Variants in PCDHGB5 observed in about 807,000 individuals in gnomAD.
PCDHGB5 encodes protocadherin gamma-B5.
In PCDHGB5, 48 loss-of-function variants were observed where a neutral mutation model predicts 62.9. The ratio of observed to expected loss-of-function variants is 0.76; its 90% CI spans 0.61 to 0.97. The LOEUF (loss-of-function observed/expected upper bound fraction) is 0.97. PCDHGB5 is among the 50% of genes least tolerant of loss of function. PCDHGB5 has a pLI of 0.00. For missense variants in PCDHGB5, 1,118 were observed against 1,198.6 expected (o/e 0.93, Z 0.99); for synonymous variants, 474 against 511.2 (o/e 0.93, Z 0.98).
chr5:141,463,388 C>T (rs1470533734), intron 1 of PCDHGB5, among the ~76,000 whole-genome samples: 1 of 150,092 alleles, frequency 6.7e-6, no homozygotes, highest in Non-Finnish European at 1.5e-5. Flanking sequence ...AAAGTTGTCT[C>T]CAGGCAAAAA....
intron 1 of PCDHGB5, among the ~76,000 whole-genome samples, chr5:141,448,422 T>C (rs1561930551): frequency 3.9e-5 from 6 of 152,150 alleles, no homozygotes; most frequent in Admixed American, 3.3e-4. Flanking sequence ...CAATATACTA[T>C]GTATATATTG....
At chr5:141,418,829 C>T in intron 1 of PCDHGB5, 1 of 1,613,856 alleles carries the variant, frequency 6.2e-7, no homozygotes, top group Non-Finnish European at 8.5e-7. Flanking sequence ...AGCAAAAGAC[C>T]GAGGATCTCT....
intron 1 of PCDHGB5, among the ~76,000 whole-genome samples, chr5:141,447,353 G>C (rs559895274): frequency 6.6e-6 from 1 of 152,032 alleles, no homozygotes; most frequent in Admixed American, 6.6e-5. Context: ...TGGTCAGGCT[G>C]GTCTCAAACT....
At chr5:141,461,617 C>T (rs1297064745) in intron 1 of PCDHGB5, among the ~76,000 whole-genome samples, 1 of 152,090 alleles carries the variant, frequency 6.6e-6, no homozygotes, top group African/African-American at 2.4e-5. Flanking sequence ...AAAGTATTTT[C>T]TAATACACCT....
At chr5:141,497,464 T>G (rs1277760390) in intron 2 of PCDHGB5, among the ~76,000 whole-genome samples, 1 of 151,764 alleles carries the variant, frequency 6.6e-6, no homozygotes, top group Non-Finnish European at 1.5e-5. Flanking sequence ...CTTGGAGATA[T>G]GGAGGAGAAG....
Position 141,490,693 on chromosome 5 carries a change from G to A in PCDHGB5, c.2398-4114G>A. On this transcript the variant is annotated intron_variant, in intron 1 of 3. Coordinates refer to ENST00000617380, the MANE Select transcript of PCDHGB5 (RefSeq NM_018925.3). This position sits in a 1 kb window ranked among gnomAD's most constrained non-coding sequence, Gnocchi z 5.4. ...GGCTGCCTCAGATCCAGACACTGGGGATAATGCCCGCCTCACCTACTCCAT... is the reference window on the plus strand; with the variant it reads ...GGCTGCCTCAGATCCAGACACTGGGAATAATGCCCGCCTCACCTACTCCAT... 1.9e-6 allele frequency: 3 copies of A among 1,614,170 alleles called. No homozygotes were observed. Among genetic ancestry groups the A allele is most frequent in the Non-Finnish European group, 2.5e-6 (3 of 1,180,018 alleles).
At chr5:141,444,774 AT>A (rs2098446962) in intron 1 of PCDHGB5, among the ~76,000 whole-genome samples, 1 of 152,018 alleles carries the variant, frequency 6.6e-6, no homozygotes, top group Non-Finnish European at 1.5e-5. Context: ...TATATTCTTG[AT>A]CATGTTTCAT....
rs948944459 is a variant in PCDHGB5 at position 141,476,485 on chromosome 5, G to T, written c.2398-18322G>T. 1 of 1,614,076 alleles carries T rather than the reference G, an allele frequency of 6.2e-7. No individual in the cohort carries two copies. The highest frequency in any genetic ancestry group is 8.5e-7 in the Non-Finnish European group (1 of 1,180,016). ...CGCTGGAGCTGTTCAGCGTGGAAGT[G>T]GTGATCCAGGACATCAACGACAACA... is the stretch of plus-strand genomic sequence containing the variant. On this transcript the variant is annotated intron_variant, in intron 1 of 3. Coordinates refer to ENST00000617380, the MANE Select transcript of PCDHGB5 (RefSeq NM_018925.3). The surrounding 1 kb of genome is among the most constrained non-coding windows in gnomAD (Gnocchi z 7.6).
chr5:141,458,873 C>T (rs1278498446), intron 1 of PCDHGB5, among the ~76,000 whole-genome samples: 2 of 152,148 alleles, frequency 1.3e-5, no homozygotes, highest in African/African-American at 4.8e-5. Context: ...GCTGGGACTA[C>T]AGGCATGCAC....
chr5:141,404,745 C>T, intron 1 of PCDHGB5: 1 of 1,613,966 alleles, frequency 6.2e-7, no homozygotes, highest in Non-Finnish European at 8.5e-7. Flanking sequence ...GACAGAGACT[C>T]AGGCCAGAAT....
chr5:141,423,693 G>T lies in PCDHGB5; in HGVS notation c.2397+23169G>T, dbSNP rs114008539. On this transcript the variant is annotated intron_variant, in intron 1 of 3. Transcript: ENST00000617380. ...TTATTTCTCTGCCTCCTAATTGTTG[G>T]TGTCTTGGCACAAGTCTTTTAAGGA... 910 of 1,396,244 alleles carry T rather than the reference G, an allele frequency of 6.5e-4. 7 individuals carry two copies. The African/African-American group carries it at 0.012, about 18-fold the overall frequency. 86.5% of individuals were successfully genotyped at this position (1,396,244 alleles called of 1,614,324 possible).
Position 141,487,463 on chromosome 5 carries a change from G to T in PCDHGB5, c.2398-7344G>T, listed in dbSNP as rs754798527. 1 of 1,614,136 alleles carries T rather than the reference G, an allele frequency of 6.2e-7. No homozygotes were observed. The highest frequency in any genetic ancestry group is 1.7e-5 in the Admixed American group (1 of 60,016). ...GTCAGATGACCCTATCAAGTTTGTT[G>T]ATGTGGGAGGCCACTCTCATGGCTG... On this transcript the variant is annotated intron_variant, in intron 1 of 3. Coordinates refer to ENST00000617380, the MANE Select transcript of PCDHGB5 (RefSeq NM_018925.3). The surrounding 1 kb of genome is among the most constrained non-coding windows in gnomAD (Gnocchi z 5.0).
At chr5:141,424,297 A>G (rs2096812591) in intron 1 of PCDHGB5, 1 of 152,466 alleles carries the variant, frequency 6.6e-6, no homozygotes, top group African/African-American at 2.4e-5. Flanking sequence ...TCTTCATCCT[A>G]TCAACACAGA....
At chr5:141,454,311 T>G (rs755771201) in intron 1 of PCDHGB5, among the ~76,000 whole-genome samples, 6 of 152,216 alleles carry the variant, frequency 3.9e-5, no homozygotes, top group Admixed American at 2.6e-4. Context: ...TTTCAAAGCA[T>G]TGAAACCTCC....
rs773688197 is a variant in PCDHGB5, at chr5:141,432,412, C to T, written c.2397+31888C>T. On this transcript the variant is annotated intron_variant, in intron 1 of 3. Transcript: ENST00000617380. This position sits in a 1 kb window ranked among gnomAD's most constrained non-coding sequence, Gnocchi z 6.0. ...GCAGCAACGTGTCGTTGAGCCTGTT[C>T]GTGCTGGACCAGAACGACAATGCGC... 5 of 1,614,128 alleles carry T rather than the reference C, an allele frequency of 3.1e-6. No individual in the cohort carries two copies. The highest frequency in any genetic ancestry group is 4.5e-5 in the East Asian group (2 of 44,894).
intron 1 of PCDHGB5, among the ~76,000 whole-genome samples, chr5:141,457,224 A>G (rs1176186371): frequency 6.6e-6 from 1 of 152,158 alleles, no homozygotes; most frequent in African/African-American, 2.4e-5. Flanking sequence ...GTGGTAGGTA[A>G]TTTCCATCTA....
At chr5:141,417,874 C>G in intron 1 of PCDHGB5, 9 of 1,555,320 alleles carry the variant, frequency 5.8e-6, no homozygotes, top group Non-Finnish European at 7.8e-6. Context: ...GAGGGAGCTG[C>G]GCGCAGAGGC....
chr5:141,497,858 C>T (rs920483410), intron 2 of PCDHGB5, among the ~76,000 whole-genome samples: 3 of 152,218 alleles, frequency 2.0e-5, no homozygotes, highest in Non-Finnish European at 2.9e-5. Flanking sequence ...TTTGATTCAG[C>T]GGCTCCAAAG....
intron 1 of PCDHGB5, among the ~76,000 whole-genome samples, chr5:141,464,417 A>C (rs2099083685): frequency 6.6e-6 from 1 of 151,564 alleles, no homozygotes; most frequent in African/African-American, 2.4e-5. Flanking sequence ...ATATATATCT[A>C]TATATATAGA....
Sources: allele counts gnomAD v4.1 joint callset (sites outside exome capture counted in the v4.1 genomes callset), GRCh38; gene constraint gnomAD v4.1.1; non-coding constraint Gnocchi (gnomAD v3.1); transcripts MANE v1.5; gene names NCBI Gene and HGNC (gene_info 2026-07-23, HGNC 2026-07-21).